The following ST3GAL4 variants were observed in gnomAD, a reference collection of about 807,000 sequenced individuals.
ST3GAL4 encodes CMP-N-acetylneuraminate-beta-galactosamide-alpha-2,3-sialyltransferase 4.
ST3GAL4 carries 24 observed loss-of-function variants against 42.6 expected under a neutral mutation model. That is an observed-to-expected ratio of 0.56 (90% CI 0.41 to 0.79). ST3GAL4 has a LOEUF of 0.79. Among genes scored for constraint, ST3GAL4 ranks in the 30% least tolerant of loss-of-function variants. ST3GAL4 has a pLI of 0.00. For synonymous variants in ST3GAL4, 135 were observed against 163.2 expected (o/e 0.83, Z 1.32); for missense variants, 311 against 430.8 (o/e 0.72, Z 2.46).
At position 126,363,869 on chromosome 11, in the gene ST3GAL4, C is replaced by T. The variant is rs1008340459; in HGVS notation, c.-61+8027C>T. On this transcript the variant is annotated intron_variant, in intron 1 of 10. Coordinates refer to ENST00000444328, the MANE Select transcript of ST3GAL4 (RefSeq NM_001254757.2). The surrounding 1 kb of genome is among the most constrained non-coding windows in gnomAD (Gnocchi z 4.6). ...TGTGTGAGGGTCTGGATACACTCCC[C>T]ACCCTCCCAGGCCCGGCACCGTGTC... 6.6e-6 allele frequency among the ~76,000 whole-genome samples: 1 copy of T among 152,264 alleles called. No individual in the cohort carries two copies. Among genetic ancestry groups the T allele is most frequent in the Non-Finnish European group, 1.5e-5 (1 of 68,046 alleles).
In ST3GAL4 at chr11:126,373,512, T is replaced by C. The variant is rs757633634; in HGVS notation, c.-61+17670T>C. Among the ~76,000 whole-genome samples, 14 of 152,140 alleles carry C rather than the reference T, an allele frequency of 9.2e-5. No homozygotes were observed. Among genetic ancestry groups the C allele is most frequent in the Non-Finnish European group, 2.1e-4 (14 of 68,026 alleles). On this transcript the variant is annotated intron_variant, in intron 1 of 10. Transcript: ENST00000444328. This position sits in a 1 kb window ranked among gnomAD's most constrained non-coding sequence, Gnocchi z 5.5. ...CCCCTCCCAGGCAGACACCAAGGTA[T>C]GATTTTCAAGTGGTTGGTGTCTTGT... is the stretch of plus-strand genomic sequence containing the variant.
Position 126,408,373 on chromosome 11 carries a change from C to G in ST3GAL4, c.504C>G (p.Phe168Leu). ...GCTCCAAGACCACCATGCGTCTCTT[C>G]TACCCTGAATCTGCCCACTTCGACC... ...DVGSKTTMRL[F>L]YPESAHFDPK... Residue 168 changes from phenylalanine (F) to leucine (L), a missense_variant, in exon 8 of 11, where the codon TTC (phenylalanine) becomes TTG (leucine). Phe to Leu is a conservative substitution (Grantham distance 22, BLOSUM62 0). Coordinates refer to ENST00000444328, the MANE Select transcript of ST3GAL4 (RefSeq NM_001254757.2). The G allele has an allele frequency of 6.2e-7, 1 of 1,614,232 alleles. No individual in the cohort carries two copies. Among genetic ancestry groups the G allele is most frequent in the Non-Finnish European group, 8.5e-7 (1 of 1,180,048 alleles).
chr11:126,360,844 T>A (rs749754288), intron 1 of ST3GAL4, among the ~76,000 whole-genome samples: 1 of 152,242 alleles, frequency 6.6e-6, no homozygotes, highest in Non-Finnish European at 1.5e-5. Flanking sequence ...GTATGCTGAT[T>A]TGTCTTTGCT....
Position 126,383,838 on chromosome 11 carries a change from C to T in ST3GAL4, c.-60-22258C>T, listed in dbSNP as rs1174382055. ...CACCTAGAAGGGCCCCTCCTCCCCT[C>T]GTCTTCCCTCCCTCATGGCCCACCT... On this transcript the variant is annotated intron_variant, in intron 1 of 10. Transcript: ENST00000444328. The surrounding 1 kb of genome is among the most constrained non-coding windows in gnomAD (Gnocchi z 4.5). Among the ~76,000 whole-genome samples the T allele has an allele frequency of 6.6e-6, 1 of 152,184 alleles. No homozygotes were observed. Among genetic ancestry groups the T allele is most frequent in the Non-Finnish European group, 1.5e-5 (1 of 68,020 alleles).
chr11:126,406,951 T>A lies in ST3GAL4; in HGVS notation c.110T>A (p.Phe37Tyr), dbSNP rs758640915. 1.6e-5 allele frequency: 26 copies of A among 1,614,040 alleles called. No individual in the cohort carries two copies. The highest frequency in any genetic ancestry group is 2.1e-5 in the Non-Finnish European group (25 of 1,179,974). The change falls in exon 4 of 11, where the codon TTT becomes TAT. Residue 37 changes from phenylalanine (F) to tyrosine (Y), a missense_variant. Coordinates refer to ENST00000444328, the MANE Select transcript of ST3GAL4 (RefSeq NM_001254757.2). This position sits in a 1 kb window ranked among gnomAD's most constrained non-coding sequence, Gnocchi z 5.4. The part of the protein sequence containing the change: ...REDRYIELFY[F>Y]PIPEKKEPCL... ...TCCTTTTTTCTCTCCAGTTTTTATT[T>A]TCCCATCCCAGAGAAGAAGGAGCCG... is the stretch of plus-strand genomic sequence containing the variant.
rs1954421637 is a variant in ST3GAL4 at position 126,409,468 on chromosome 11, T to C, written c.771+57T>C. 6.2e-6 allele frequency: 10 copies of C among 1,611,018 alleles called. No individual in the cohort carries two copies. The Admixed American group carries it at 1.2e-4, about 19-fold the overall frequency. On this transcript the variant is annotated intron_variant, in intron 9 of 10. Coordinates refer to ENST00000444328, the MANE Select transcript of ST3GAL4 (RefSeq NM_001254757.2). This position sits in a 1 kb window ranked among gnomAD's most constrained non-coding sequence, Gnocchi z 4.9. ...GATCCTGGGCGGGAAGTAGGAGGGA[T>C]GATCCTATGGGCTTAGGAAGCCCTG...
intron 1 of ST3GAL4, among the ~76,000 whole-genome samples, chr11:126,371,571 TTA>T (rs1952650393): frequency 6.6e-6 from 1 of 152,246 alleles, no homozygotes; most frequent in Non-Finnish European, 1.5e-5. Flanking sequence ...AAAGTTAATG[TTA>T]TGTTTTCACA....
chr11:126,385,278 C>T (rs1321996970), intron 1 of ST3GAL4, among the ~76,000 whole-genome samples: 1 of 151,904 alleles, frequency 6.6e-6, no homozygotes, highest in African/African-American at 2.4e-5. Context: ...CCTCAGCCTC[C>T]CGAGTAGGGG....
At chr11:126,408,066 G>C (rs372795321) in intron 6 of ST3GAL4, 33 bp from the exon 7 acceptor site, 99 of 1,607,898 alleles carry the variant, frequency 6.2e-5, no homozygotes, top group Non-Finnish European at 1.0e-5. Flanking sequence ...TTAGAGTGTG[G>C]GGTGACATAG....
intron 1 of ST3GAL4, among the ~76,000 whole-genome samples, chr11:126,385,373 C>T (rs1160973134): frequency 1.3e-5 from 2 of 151,862 alleles, no homozygotes; most frequent in African/African-American, 2.4e-5. Flanking sequence ...AGGATGGTCT[C>T]GATCTCCTGA....
At chr11:126,394,780 G>T (rs1953668061) in intron 1 of ST3GAL4, among the ~76,000 whole-genome samples, 1 of 135,034 alleles carries the variant, frequency 7.4e-6, no homozygotes, top group Non-Finnish European at 1.6e-5. Context: ...ATAAACGGGT[G>T]ATACAATGTT....
chr11:126,407,263 A>G lies in ST3GAL4; in HGVS notation c.194A>G (p.Asp65Gly). The change falls in exon 5 of 11, where the codon GAT becomes GGT. Residue 65 changes from aspartate (D) to glycine (G), a missense_variant. Transcript: ENST00000444328. ...TCACCTCTGTGCAGCTACTCCCGGG[A>G]TCAGCCCATCTTCCTGCGGCTTGAG... ...ASKLFGNYSR[D>G]QPIFLRLEDY... 6.2e-7 allele frequency: 1 copy of G among 1,614,176 alleles called. No homozygotes were observed.
At chr11:126,381,427 A>G (rs1952997418) in intron 1 of ST3GAL4, among the ~76,000 whole-genome samples, 1 of 151,534 alleles carries the variant, frequency 6.6e-6, no homozygotes, top group Admixed American at 6.6e-5. Context: ...TTACATAACC[A>G]GGGGCTGTGG....
Position 126,393,360 on chromosome 11 carries a change from CA to C in ST3GAL4, c.-60-12735del, listed in dbSNP as rs1028520286. The C allele has an allele frequency of 3.3e-5, 5 of 152,260 alleles. No homozygotes were observed. Among genetic ancestry groups the C allele is most frequent in the African/African-American group, 1.2e-4 (5 of 41,434 alleles). The allele number at this position is 152,260 out of a possible 1,614,324, so 9.4% of individuals were successfully genotyped here. A position where few individuals can be genotyped will look rare whatever the true frequency, so the allele number is the denominator to read the frequency against. ...CCTTGCAGGCACTGGGGCAGGATAT[CA>C]GGGGGTCCAGAAGAGGTTGGGTTTA... On this transcript the variant is annotated intron_variant, in intron 1 of 10. Coordinates refer to ENST00000444328, the MANE Select transcript of ST3GAL4 (RefSeq NM_001254757.2). The surrounding 1 kb of genome is among the most constrained non-coding windows in gnomAD (Gnocchi z 5.9).
At chr11:126,370,526 A>G (rs1000634304) in intron 1 of ST3GAL4, among the ~76,000 whole-genome samples, 3 of 152,354 alleles carry the variant, frequency 2.0e-5, no homozygotes, top group East Asian at 1.9e-4. Context: ...ATAAGTTAAT[A>G]TATGTACATC....
intron 1 of ST3GAL4, among the ~76,000 whole-genome samples, chr11:126,388,997 C>T (rs1353307487): frequency 6.6e-6 from 1 of 151,930 alleles, no homozygotes; most frequent in Admixed American, 6.6e-5. Flanking sequence ...AGGTTGGTCT[C>T]GAACTCGTGA....
At chr11:126,380,020 G>T (rs898870822) in intron 1 of ST3GAL4, among the ~76,000 whole-genome samples, 1 of 152,030 alleles carries the variant, frequency 6.6e-6, no homozygotes, top group Non-Finnish European at 1.5e-5. Flanking sequence ...GTAGCACTTT[G>T]GGAAGCTGAG....
rs1443136249 is a variant in ST3GAL4, at chr11:126,355,945, A to AG, written c.-61+108dup. The AG allele has an allele frequency of 6.6e-6, 1 of 150,584 alleles. No homozygotes were observed. Among genetic ancestry groups the AG allele is most frequent in the Non-Finnish European group, 1.5e-5 (1 of 67,512 alleles). 9.3% of individuals were successfully genotyped at this position (150,584 alleles called of 1,614,324 possible). On this transcript the variant is annotated intron_variant, in intron 1 of 10. Coordinates refer to ENST00000444328, the MANE Select transcript of ST3GAL4 (RefSeq NM_001254757.2). The surrounding 1 kb of genome is among the most constrained non-coding windows in gnomAD (Gnocchi z 7.1). ...CCCCAGCCGGCGCCGCGCCTCCCGGAGGGGGTCGGGCCCTGCACGTGGGCG... is the reference window on the plus strand; with the variant it reads ...CCCCAGCCGGCGCCGCGCCTCCCGGAGGGGGGTCGGGCCCTGCACGTGGGCG...
intron 1 of ST3GAL4, among the ~76,000 whole-genome samples, chr11:126,371,087 C>A (rs376619410): frequency 4.4e-4 from 67 of 150,776 alleles, no homozygotes; most frequent in Non-Finnish European, 9.1e-4. Context: ...GATATTTTTT[C>A]CTTTAAGAAA....
Sources: allele counts gnomAD v4.1 joint callset (sites outside exome capture counted in the v4.1 genomes callset), GRCh38; gene constraint gnomAD v4.1.1; non-coding constraint Gnocchi (gnomAD v3.1); transcripts MANE v1.5; gene names NCBI Gene and HGNC (gene_info 2026-07-23, HGNC 2026-07-21).